Variants in MCTP1 observed in about 807,000 individuals in gnomAD.
MCTP1 encodes multiple C2 and transmembrane domain-containing protein 1.
A neutral mutation model predicts 120.6 loss-of-function variants in MCTP1; 69 were observed. The observed-to-expected ratio is 0.57, with a 90% confidence interval of 0.47 to 0.70. The LOEUF (loss-of-function observed/expected upper bound fraction) is 0.70. Ranked by LOEUF, MCTP1 falls within the 30% of genes least tolerant of loss-of-function variation. The pLI is 0.00. For synonymous variants in MCTP1, 529 were observed against 493.1 expected (o/e 1.07, Z -0.96); for missense variants, 1,203 against 1,248.8 (o/e 0.96, Z 0.55).
chr5:95,052,730 C>T (rs1185332567), intron 1 of MCTP1, among the ~76,000 whole-genome samples: 1 of 152,160 alleles, frequency 6.6e-6, no homozygotes, highest in African/African-American at 2.4e-5. Flanking sequence ...ACAAAGGAAG[C>T]TTTCAACTTG....
At chr5:94,999,355 T>A (rs1232974026) in intron 2 of MCTP1, among the ~76,000 whole-genome samples, 1 of 152,218 alleles carries the variant, frequency 6.6e-6, no homozygotes, top group African/African-American at 2.4e-5. Flanking sequence ...TAAAATGGGT[T>A]AAGCATAAAA....
chr5:94,844,651 C>T (rs1381601475), intron 17 of MCTP1, among the ~76,000 whole-genome samples: 3 of 152,122 alleles, frequency 2.0e-5, no homozygotes, highest in African/African-American at 7.2e-5. Flanking sequence ...ATGTCAGCCT[C>T]AACGGAACCC....
At chr5:95,251,956 A>G (rs1582662919) in intron 1 of MCTP1, among the ~76,000 whole-genome samples, 1 of 152,264 alleles carries the variant, frequency 6.6e-6, no homozygotes, top group East Asian at 1.9e-4. Flanking sequence ...ACTTCTCCAC[A>G]AAGGTAGAAG....
intron 2 of MCTP1, among the ~76,000 whole-genome samples, chr5:94,991,567 G>A (rs961661841): frequency 4.6e-5 from 7 of 152,116 alleles, no homozygotes; most frequent in African/African-American, 9.7e-5. Context: ...AGATTAGTGT[G>A]ACATTTAAGA....
rs188842097 is a variant in MCTP1, at chr5:94,751,524, T to C, written c.2610+27586A>G. On this transcript the variant is annotated intron_variant, in intron 19 of 22. Coordinates refer to ENST00000515393, the MANE Select transcript of MCTP1 (RefSeq NM_024717.7). ...GAATGTAAATGGCAGTTTATTAATA[T>C]GTGCGAGGGCTATAGCCCTGACCTC... is the stretch of plus-strand genomic sequence containing the variant. 5.7e-3 allele frequency among the ~76,000 whole-genome samples: 868 copies of C among 152,190 alleles called. 8 individuals carry two copies. The highest frequency in any genetic ancestry group is 6.1e-3 in the Non-Finnish European group (416 of 67,998).
chr5:94,772,138 T>C (rs979922087), intron 19 of MCTP1, among the ~76,000 whole-genome samples: 6 of 152,168 alleles, frequency 3.9e-5, no homozygotes, highest in African/African-American at 1.4e-4. Context: ...GTCCTTCTCA[T>C]ACTTGATGAG....
chr5:94,993,645 C>A (rs1428488282), intron 2 of MCTP1, among the ~76,000 whole-genome samples: 1 of 152,156 alleles, frequency 6.6e-6, no homozygotes, highest in African/African-American at 2.4e-5. Context: ...TCCTCTCCAG[C>A]AATCCAACCC....
chr5:95,061,236 G>T, intron 1 of MCTP1, among the ~76,000 whole-genome samples: 1 of 150,228 alleles, frequency 6.7e-6, no homozygotes. Flanking sequence ...AACACACAGA[G>T]GGAATAACTA....
intron 7 of MCTP1, among the ~76,000 whole-genome samples, chr5:94,923,210 C>A (rs1812155065): frequency 6.6e-6 from 1 of 152,086 alleles, no homozygotes; most frequent in Non-Finnish European, 1.5e-5. Context: ...AATGGACAAG[C>A]CCTAAGAGTG....
At chr5:95,243,543 G>A (rs528586938) in intron 1 of MCTP1, among the ~76,000 whole-genome samples, 338 of 152,288 alleles carry the variant, frequency 2.2e-3, no homozygotes, top group Non-Finnish European at 4.4e-3. Flanking sequence ...TTACAGGGAT[G>A]TTAGACTTTG....
intron 1 of MCTP1, among the ~76,000 whole-genome samples, chr5:95,080,000 C>G (rs755815958): frequency 6.6e-6 from 1 of 152,052 alleles, no homozygotes; most frequent in African/African-American, 2.4e-5. Flanking sequence ...TATAAAATAG[C>G]AGATCAATTC....
Position 95,183,893 on chromosome 5 carries a change from G to A in MCTP1, c.720+99963C>T, listed in dbSNP as rs184631419. ...TGTTCTTTGGAGTATAATATGGCGT[G>A]AACATTTTGAAAAAGAGTTTGGCAA... On this transcript the variant is annotated intron_variant, in intron 1 of 22. Transcript: ENST00000515393. Among the ~76,000 whole-genome samples the A allele has an allele frequency of 1.7e-3, 256 of 151,928 alleles. 2 individuals are homozygous for A. The highest frequency in any genetic ancestry group is 5.8e-3 in the African/African-American group (242 of 41,416).
At chr5:95,190,848 A>G (rs531526086) in intron 1 of MCTP1, among the ~76,000 whole-genome samples, 1 of 152,084 alleles carries the variant, frequency 6.6e-6, no homozygotes, top group Non-Finnish European at 1.5e-5. Flanking sequence ...AACTTTTAAC[A>G]ACATGAACAA....
intron 17 of MCTP1, among the ~76,000 whole-genome samples, chr5:94,804,725 A>AC (rs1208621120): frequency 6.6e-6 from 1 of 152,230 alleles, no homozygotes; most frequent in African/African-American, 2.4e-5. Context: ...GGCGTGAGCC[A>AC]CCACACCAGG....
chr5:94,943,326 C>T (rs1430334187), intron 3 of MCTP1, among the ~76,000 whole-genome samples: 2 of 152,016 alleles, frequency 1.3e-5, no homozygotes, highest in East Asian at 1.9e-4. Context: ...CTGAAGGAAA[C>T]GGCAAGCCCA....
chr5:94,842,348 C>T (rs1443021680), intron 17 of MCTP1, among the ~76,000 whole-genome samples: 1 of 152,092 alleles, frequency 6.6e-6, no homozygotes, highest in Non-Finnish European at 1.5e-5. Flanking sequence ...ATCAAAATTA[C>T]ACACACACAT....
intron 5 of MCTP1, among the ~76,000 whole-genome samples, chr5:94,934,451 G>T (rs1467836809): frequency 6.6e-6 from 1 of 151,726 alleles, no homozygotes; most frequent in Non-Finnish European, 1.5e-5. Context: ...GCCAGTAAAA[G>T]GAATGAAGTA....
At chr5:95,134,078 A>G (rs1028525996) in intron 1 of MCTP1, among the ~76,000 whole-genome samples, 1 of 152,140 alleles carries the variant, frequency 6.6e-6, no homozygotes, top group Non-Finnish European at 1.5e-5. Flanking sequence ...TCTACTCTTT[A>G]ATTACCTTGG....
At chr5:94,836,674 C>G (rs1203649816) in intron 17 of MCTP1, among the ~76,000 whole-genome samples, 1 of 152,182 alleles carries the variant, frequency 6.6e-6, no homozygotes, top group Non-Finnish European at 1.5e-5. Flanking sequence ...ACCTGATTGC[C>G]CATAGTTTTG....
Sources: allele counts gnomAD v4.1 joint callset (sites outside exome capture counted in the v4.1 genomes callset), GRCh38; gene constraint gnomAD v4.1.1; transcripts MANE v1.5; gene names NCBI Gene and HGNC (gene_info 2026-07-23, HGNC 2026-07-21).